The following TDRD7 variants were observed in gnomAD, a reference collection of about 807,000 sequenced individuals.
TDRD7 encodes the protein tudor domain containing 7.
Under a neutral mutation model 109.8 loss-of-function variants are expected in TDRD7, and 47 were observed. The ratio of observed to expected loss-of-function variants is 0.43; its 90% CI spans 0.34 to 0.55. The LOEUF is 0.55. TDRD7 is among the 20% of genes least tolerant of loss of function. The pLI, the probability that TDRD7 is intolerant of heterozygous loss-of-function variation, is 0.03. For missense variants in TDRD7, 1,164 were observed against 1,319.2 expected, an observed-to-expected ratio of 0.88 and a Z score of 1.82; for synonymous variants, 424 against 457.3, an observed-to-expected ratio of 0.93 and a Z score of 0.93.
At chr9:97,426,673 T>A (rs1828000370) in intron 1 of TDRD7, among the ~76,000 whole-genome samples, 1 of 152,228 alleles carries the variant, frequency 6.6e-6, no homozygotes, top group Admixed American at 6.5e-5. Flanking sequence ...TTCAGCTCCA[T>A]TATGATTTTA....
intron 1 of TDRD7, among the ~76,000 whole-genome samples, chr9:97,415,560 T>C (rs891967235): frequency 6.6e-6 from 1 of 152,196 alleles, no homozygotes; most frequent in African/African-American, 2.4e-5. Flanking sequence ...AAGATTGTCA[T>C]CACTCCCCAA....
chr9:97,474,415 A>G (rs1174081274), intron 11 of TDRD7, among the ~76,000 whole-genome samples: 1 of 152,062 alleles, frequency 6.6e-6, no homozygotes, highest in Non-Finnish European at 1.5e-5. Flanking sequence ...TTTATATTTT[A>G]GCTATTTGGG....
At chr9:97,414,683 A>C (rs934623711) in intron 1 of TDRD7, among the ~76,000 whole-genome samples, 1 of 152,332 alleles carries the variant, frequency 6.6e-6, no homozygotes, top group African/African-American at 2.4e-5. Context: ...GGAACTTGAG[A>C]TCACAAGAAT....
intron 16 of TDRD7, among the ~76,000 whole-genome samples, chr9:97,490,978 C>G (rs1285206278): frequency 7.0e-6 from 1 of 143,398 alleles, no homozygotes; most frequent in East Asian, 2.1e-4. Context: ...TGCAGTGGCA[C>G]GATCTCAGCT....
At chr9:97,464,506 C>T (rs182082056) in intron 7 of TDRD7, among the ~76,000 whole-genome samples, 95 of 151,970 alleles carry the variant, frequency 6.3e-4, no homozygotes, top group African/African-American at 2.3e-3. Flanking sequence ...TACAGGCGCC[C>T]ACCCCCACAC....
At chr9:97,470,784 T>C (rs747158805) in intron 9 of TDRD7, 115 bp downstream of exon 9, 8 of 752,682 alleles carry the variant, frequency 1.1e-5, no homozygotes, top group Admixed American at 6.6e-5. Flanking sequence ...GTGTTACTTC[T>C]TGAAAGGTTT....
intron 8 of TDRD7, among the ~76,000 whole-genome samples, chr9:97,467,207 A>G (rs1044119432): frequency 1.4e-4 from 22 of 152,228 alleles, no homozygotes; most frequent in African/African-American, 4.8e-4. Context: ...ATTTTGAGGC[A>G]CAGAGATTTC....
intron 16 of TDRD7, among the ~76,000 whole-genome samples, chr9:97,490,851 ATTC>A (rs1362416764): frequency 6.9e-6 from 1 of 144,174 alleles, no homozygotes; most frequent in Non-Finnish European, 1.5e-5. Context: ...AGCCCAAGAC[ATTC>A]TTATTTTCTT....
In TDRD7 at chr9:97,427,204, G is replaced by C. The variant is rs544309702; in HGVS notation, c.-6-1256G>C. Among the ~76,000 whole-genome samples the C allele has an allele frequency of 2.6e-5, 4 of 151,800 alleles. No individual in the cohort carries two copies. The South Asian group carries it at 8.3e-4, about 32-fold the overall frequency. The stretch of plus-strand genomic sequence containing the variant: ...ACTTATTCTCTGAATGTATCTCCTA[G>C]TATGTATCTATACATTCTCTGAATG... On this transcript the variant is annotated intron_variant, in intron 1 of 16. Transcript: ENST00000355295.
intron 6 of TDRD7, among the ~76,000 whole-genome samples, chr9:97,454,502 C>T (rs1023477960): frequency 6.6e-6 from 1 of 152,138 alleles, no homozygotes; most frequent in African/African-American, 2.4e-5. Flanking sequence ...GAACGCAGTG[C>T]AGTTAGATTA....
chr9:97,484,827 G>A (rs931164015), intron 15 of TDRD7, among the ~76,000 whole-genome samples: 2 of 152,062 alleles, frequency 1.3e-5, no homozygotes, highest in African/African-American at 2.4e-5. Context: ...CTAATGTTCT[G>A]GGGGGCAGAT....
chr9:97,439,686 T>A (rs1432252248), intron 5 of TDRD7, among the ~76,000 whole-genome samples: 1 of 152,178 alleles, frequency 6.6e-6, no homozygotes, highest in Non-Finnish European at 1.5e-5. Flanking sequence ...TAAAAGTGCA[T>A]AAATATGGGA....
intron 1 of TDRD7, among the ~76,000 whole-genome samples, chr9:97,418,707 C>G (rs1007735751): frequency 6.6e-6 from 1 of 152,154 alleles, no homozygotes. Flanking sequence ...GTAGAACAAG[C>G]CTCTGATTAG....
At chr9:97,488,961 G>C (rs1564217471) in intron 16 of TDRD7, among the ~76,000 whole-genome samples, 3 of 152,148 alleles carry the variant, frequency 2.0e-5, no homozygotes, top group Non-Finnish European at 2.9e-5. Flanking sequence ...GGATTTTCCA[G>C]CTATCTTTCT....
At chr9:97,446,872 A>G (rs1299352120) in intron 6 of TDRD7, among the ~76,000 whole-genome samples, 2 of 152,240 alleles carry the variant, frequency 1.3e-5, no homozygotes, top group Non-Finnish European at 2.9e-5. Context: ...GAAATGGAAC[A>G]TAAACAGCAA....
rs1829393466 is a variant in TDRD7 at position 97,496,073 on chromosome 9, T to C, written c.*190T>C. The C allele has an allele frequency of 4.7e-5, 27 of 572,258 alleles. No individual in the cohort carries two copies. The South Asian group carries it at 5.2e-4, about 11-fold the overall frequency. The allele number at this position is 572,258 out of a possible 1,614,324, so 35.4% of individuals were successfully genotyped here. ...ACAGAGTTGACTTTTCAAAGAAAAT[T>C]GTACTTGAATTATTACTATAATATT... On this transcript the variant is annotated 3_prime_UTR_variant, in exon 17 of 17. Transcript: ENST00000355295.
intron 13 of TDRD7, 161 bp downstream of exon 13, chr9:97,478,734 G>A: frequency 1.0e-6 from 1 of 962,604 alleles, no homozygotes; most frequent in Non-Finnish European, 1.6e-6. Flanking sequence ...AAACATTGCT[G>A]ACTTAGACAA....
At chr9:97,455,577 A>C (rs1175726767) in intron 6 of TDRD7, among the ~76,000 whole-genome samples, 1 of 152,210 alleles carries the variant, frequency 6.6e-6, no homozygotes, top group Non-Finnish European at 1.5e-5. Context: ...CAAAAACCAC[A>C]TGATTATCTC....
At chr9:97,462,506 T>C (rs1255378317) in intron 7 of TDRD7, among the ~76,000 whole-genome samples, 1 of 151,734 alleles carries the variant, frequency 6.6e-6, no homozygotes, top group African/African-American at 2.4e-5. Context: ...TGTTCTGTAC[T>C]GGCATCTTCA....
Sources: gnomAD v4.1 joint callset for allele counts (sites outside exome capture counted in the v4.1 genomes callset) on GRCh38, gnomAD v4.1.1 for gene constraint, MANE v1.5 for transcripts, NCBI Gene and HGNC (gene_info 2026-07-23, HGNC 2026-07-21) for gene names.